Variants in DIP2C observed in about 807,000 individuals in gnomAD.
DIP2C encodes the protein disco-interacting protein 2 homolog C.
A neutral mutation model predicts 192.4 loss-of-function variants in DIP2C; 33 were observed. The ratio of observed to expected loss-of-function variants is 0.17; its 90% confidence interval spans 0.13 to 0.23. The LOEUF is 0.23. Among genes scored for constraint, DIP2C ranks in the 10% least tolerant of loss-of-function variants. The probability of loss-of-function intolerance (pLI) is 1.00; values close to 1 mark genes in which losing one functional copy is unlikely to be tolerated. For synonymous variants in DIP2C, 979 were observed against 864.1 expected, an observed-to-expected ratio of 1.13 and a Z score of -2.33; for missense variants, 1,537 against 2,110.1, an observed-to-expected ratio of 0.73 and a Z score of 5.32.
intron 25 of DIP2C, among the ~76,000 whole-genome samples, chr10:349,052 T>C (rs1589567379): frequency 1.3e-5 from 2 of 152,238 alleles, no homozygotes; most frequent in Admixed American, 6.5e-5. Flanking sequence ...TTAGGTACTA[T>C]TAAGTGAATT....
intron 1 of DIP2C, among the ~76,000 whole-genome samples, chr10:675,033 A>G: frequency 6.6e-6 from 1 of 152,110 alleles, no homozygotes; most frequent in Non-Finnish European, 1.5e-5. Context: ...AATCAATCAC[A>G]TGCTAGGCTA....
At chr10:575,591 A>G (rs1327043294) in intron 1 of DIP2C, among the ~76,000 whole-genome samples, 3 of 152,216 alleles carry the variant, frequency 2.0e-5, no homozygotes, top group Admixed American at 6.5e-5. Context: ...GCAAAAACAT[A>G]GCTCAGCATC....
chr10:382,620 T>C (rs1344119889), intron 17 of DIP2C, 27 bp downstream of exon 17: 7 of 1,556,854 alleles, frequency 4.5e-6, no homozygotes, highest in African/African-American at 4.1e-5. Context: ...CTCTAGGTTA[T>C]CTACGTAAAT....
intron 1 of DIP2C, among the ~76,000 whole-genome samples, chr10:558,855 G>A (rs1849043387): frequency 6.6e-6 from 1 of 152,170 alleles, no homozygotes; most frequent in African/African-American, 2.4e-5. Flanking sequence ...CCACTGAAGA[G>A]CTGGGGCTAA....
At chr10:479,488 G>A (rs190783751) in intron 2 of DIP2C, among the ~76,000 whole-genome samples, 13 of 151,898 alleles carry the variant, frequency 8.6e-5, no homozygotes, top group South Asian at 2.1e-4. Flanking sequence ...CACCCATCAC[G>A]ATGCCTGGCT....
At chr10:644,591 G>A (rs989190496) in intron 1 of DIP2C, among the ~76,000 whole-genome samples, 1 of 150,288 alleles carries the variant, frequency 6.7e-6, no homozygotes, top group Non-Finnish European at 1.5e-5. Flanking sequence ...CTGAAACAAC[G>A]TCCGGGGGCA....
intron 1 of DIP2C, among the ~76,000 whole-genome samples, chr10:551,775 T>TC (rs1418115814): frequency 2.0e-5 from 3 of 152,134 alleles, no homozygotes; most frequent in Non-Finnish European, 4.4e-5. Flanking sequence ...TTGTGACAGG[T>TC]CAACTCCAGG....
At chr10:295,389 G>A (rs561475757) in intron 32 of DIP2C, among the ~76,000 whole-genome samples, 5 of 150,760 alleles carry the variant, frequency 3.3e-5, no homozygotes, top group East Asian at 2.0e-4. Context: ...GTGAAACCCC[G>A]TCTCTATTAA....
At chr10:489,591 C>G (rs1033815435) in intron 1 of DIP2C, among the ~76,000 whole-genome samples, 2 of 151,870 alleles carry the variant, frequency 1.3e-5, no homozygotes, top group Non-Finnish European at 2.9e-5. Context: ...CCATTTCACA[C>G]TAGGGACACA....
intron 1 of DIP2C, among the ~76,000 whole-genome samples, chr10:555,473 C>A (rs1378288586): frequency 2.0e-5 from 3 of 152,216 alleles, no homozygotes; most frequent in African/African-American, 7.2e-5. Context: ...ACCAGGCACA[C>A]CCCCAATCTC....
At chr10:421,833 C>G (rs1365276627) in intron 5 of DIP2C, among the ~76,000 whole-genome samples, 2 of 152,090 alleles carry the variant, frequency 1.3e-5, no homozygotes, top group Admixed American at 6.5e-5. Context: ...TGAGACAGAC[C>G]CAGCTCTCCT....
At chr10:523,000 ACT>A (rs1491386914) in intron 1 of DIP2C, among the ~76,000 whole-genome samples, 3 of 151,670 alleles carry the variant, frequency 2.0e-5, no homozygotes, top group Non-Finnish European at 2.9e-5. Context: ...GGATGCACGG[ACT>A]CTGTGTGACA....
Position 520,929 on chromosome 10 carries a change from T to C in DIP2C, c.86-34399A>G, listed in dbSNP as rs539941567. The stretch of plus-strand genomic sequence containing the variant: ...ACACTGTTGGCTACATTCAGTTTAA[T>C]TACATTTGACGTTAAGTTTTAAATT... On this transcript the variant is annotated intron_variant, in intron 1 of 36. Coordinates refer to ENST00000280886, the MANE Select transcript of DIP2C (RefSeq NM_014974.3). 5.3e-5 allele frequency among the ~76,000 whole-genome samples: 8 copies of C among 152,380 alleles called. No individual in the cohort carries two copies. The East Asian group carries it at 1.5e-3, about 29-fold the overall frequency.
Position 636,865 on chromosome 10 carries a change from A to C in DIP2C, c.85+52629T>G, listed in dbSNP as rs901318523. ...GAGGCGCAATCACCTTCCGTCATAC[A>C]CTTCTCAGCAGCTTCCCGGTGAGGC... On this transcript the variant is annotated intron_variant, in intron 1 of 36. Transcript: ENST00000280886. The surrounding 1 kb of genome is among the most constrained non-coding windows in gnomAD (Gnocchi z 4.6). Among the ~76,000 whole-genome samples the C allele has an allele frequency of 6.6e-6, 1 of 152,142 alleles. No homozygotes were observed. Among genetic ancestry groups the C allele is most frequent in the African/African-American group, 2.4e-5 (1 of 41,418 alleles).
chr10:301,349 A>C (rs772371909), intron 32 of DIP2C, among the ~76,000 whole-genome samples: 4 of 152,106 alleles, frequency 2.6e-5, no homozygotes, highest in Non-Finnish European at 4.4e-5. Context: ...TGTCAGAGGG[A>C]GGGGATGCTG....
intron 6 of DIP2C, among the ~76,000 whole-genome samples, chr10:418,264 C>CGG (rs1404361146): frequency 2.2e-5 from 3 of 138,554 alleles, no homozygotes; most frequent in African/African-American, 8.1e-5. Context: ...CTGCACCTGT[C>CGG]AGGCCTCAGA....
intron 1 of DIP2C, among the ~76,000 whole-genome samples, chr10:620,365 G>A (rs1013705248): frequency 4.6e-5 from 7 of 152,068 alleles, no homozygotes; most frequent in African/African-American, 1.7e-4. Flanking sequence ...CTAAACCACA[G>A]GCCTGTTTTC....
chr10:462,150 G>T (rs1969836328), intron 3 of DIP2C, among the ~76,000 whole-genome samples: 1 of 152,050 alleles, frequency 6.6e-6, no homozygotes, highest in Non-Finnish European at 1.5e-5. Context: ...AAATTCAAAA[G>T]CTAGCAGAAG....
chr10:689,488 G>A lies in DIP2C; in HGVS notation c.85+6C>T, dbSNP rs1256171538. Reference sequence around the variant, plus strand: ...GCGGCCCGGCCCGGGGCGGGGGCCCGGTTACCTTCCGACAGCTCCAGCTCC... The same window carrying A: ...GCGGCCCGGCCCGGGGCGGGGGCCCAGTTACCTTCCGACAGCTCCAGCTCC... On this transcript the variant is annotated splice_donor_region_variant and intron_variant, in intron 1 of 36. Coordinates refer to ENST00000280886, the MANE Select transcript of DIP2C (RefSeq NM_014974.3). The surrounding 1 kb of genome is among the most constrained non-coding windows in gnomAD (Gnocchi z 6.1). 2 of 1,229,362 alleles carry A rather than the reference G, an allele frequency of 1.6e-6. No individual in the cohort carries two copies. The highest frequency in any genetic ancestry group is 2.1e-6 in the Non-Finnish European group (2 of 968,126). The allele number at this position is 1,229,362 out of a possible 1,614,324, so 76.2% of individuals were successfully genotyped here. A position where few individuals can be genotyped will look rare whatever the true frequency, so the allele number is the denominator to read the frequency against.
Sources: gnomAD v4.1 joint callset for allele counts (sites outside exome capture counted in the v4.1 genomes callset) on GRCh38, gnomAD v4.1.1 for gene constraint, Gnocchi (gnomAD v3.1) non-coding constraint, MANE v1.5 for transcripts, NCBI Gene and HGNC (gene_info 2026-07-23, HGNC 2026-07-21) for gene names.